RPE: variants seen among roughly 807,000 people sequenced by gnomAD.
RPE encodes ribulose-5-phosphate-3-epimerase, also known as ribulose-phosphate 3-epimerase.
Under a neutral mutation model 24.6 loss-of-function variants are expected in RPE, and 16 were observed. That is an observed-to-expected ratio of 0.65 (90% confidence interval 0.44 to 0.99). RPE has a LOEUF of 0.99. Ranked by LOEUF, RPE falls within the 50% of genes least tolerant of loss-of-function variation. RPE has a pLI of 0.00. For missense variants in RPE, 240 were observed against 294.5 expected, an observed-to-expected ratio of 0.81 and a Z score of 1.35; for synonymous variants, 93 against 98.4, an observed-to-expected ratio of 0.94 and a Z score of 0.33.
At chr2:210,017,886 A>G in intron 5 of RPE, 1 of 550,972 alleles carries the variant, frequency 1.8e-6, no homozygotes, top group Non-Finnish European at 3.2e-6. Context: ...CTGGGATTAC[A>G]GGTACCTGCC....
intron 5 of RPE, 105 bp downstream of exon 5, chr2:210,017,664 T>G: frequency 9.4e-7 from 1 of 1,067,306 alleles, no homozygotes; most frequent in Non-Finnish European, 1.4e-6. Context: ...TAAGTTGACT[T>G]TCTTTCTTGG....
intron 1 of RPE, among the ~76,000 whole-genome samples, chr2:210,004,267 G>T (rs538944973): frequency 6.6e-6 from 1 of 152,246 alleles, no homozygotes; most frequent in Admixed American, 6.5e-5. Context: ...TAATTGTTTC[G>T]GTTCACCAGT....
chr2:210,016,198 A>ATAC, intron 3 of RPE, 86 bp downstream of exon 3: 3 of 1,613,812 alleles, frequency 1.9e-6, no homozygotes, highest in Non-Finnish European at 2.5e-6. Context: ...TCTTTTTTTG[A>ATAC]TACAGTCTTG....
chr2:210,016,346 A>C lies in RPE; in HGVS notation c.343-161A>C, dbSNP rs146256341. On this transcript the variant is annotated intron_variant, in intron 3 of 5. Coordinates refer to ENST00000359429, the MANE Select transcript of RPE (RefSeq NM_199229.3). ...CACATAGCATTTATGTATTCCACTA[A>C]AGTTTTCTGAAAGCTACTGCTTGTT... 6.3e-3 allele frequency: 9,837 copies of C among 1,567,310 alleles called. 46 individuals are homozygous for C. The highest frequency in any genetic ancestry group is 0.01 in the South Asian group (838 of 82,770).
intron 5 of RPE, among the ~76,000 whole-genome samples, chr2:210,019,045 G>C (rs1024135492): frequency 2.0e-5 from 3 of 152,140 alleles, no homozygotes; most frequent in Non-Finnish European, 4.4e-5. Context: ...AGGAAGATCA[G>C]AGTTAAATTT....
Position 210,016,519 on chromosome 2 carries a change from A to C in RPE, c.355A>C (p.Ile119Leu), listed in dbSNP as rs1435979190. The change falls in exon 4 of 6, where the codon ATC becomes CTC. Residue 119 changes from isoleucine (I) to leucine (L), a missense_variant. Transcript: ENST00000359429. ...GTGTCTGTTACAGGTTGGCCTTGCC[A>C]TCAAACCAGGAACCTCAGTTGAGTA... ...RENGMKVGLA[I>L]KPGTSVEYLA... is the part of the protein sequence containing the mutation. 1 of 1,614,268 alleles carries C rather than the reference A, an allele frequency of 6.2e-7. No individual in the cohort carries two copies. Among genetic ancestry groups the C allele is most frequent in the Non-Finnish European group, 8.5e-7 (1 of 1,180,048 alleles).
At chr2:210,008,458 G>C (rs1369581089) in intron 1 of RPE, among the ~76,000 whole-genome samples, 2 of 151,760 alleles carry the variant, frequency 1.3e-5, no homozygotes, top group Non-Finnish European at 2.9e-5. Flanking sequence ...ACCACACCCA[G>C]CTAATTTTTA....
intron 2 of RPE, 149 bp from the exon 3 acceptor site, chr2:210,015,824 C>T: frequency 2.8e-6 from 2 of 716,226 alleles, no homozygotes; most frequent in Non-Finnish European, 4.5e-6. Context: ...GAGGAAACTA[C>T]CTATACTGAA....
rs756301774 is a variant in RPE, at chr2:210,016,199, T to TA, written c.342+88dup. 6 of 1,613,804 alleles carry TA rather than the reference T, an allele frequency of 3.7e-6. No individual in the cohort carries two copies. The South Asian group carries it at 6.6e-5, about 18-fold the overall frequency. Reference sequence around the variant, plus strand: ...AACAGGAAATTTTCTCTTTTTTTGATACAGTCTTGCTCTGTCACCCAGGCT... The same window carrying TA: ...AACAGGAAATTTTCTCTTTTTTTGATAACAGTCTTGCTCTGTCACCCAGGCT... On this transcript the variant is annotated intron_variant, in intron 3 of 5. Transcript: ENST00000359429.
rs1003290361 is a variant in RPE at position 210,018,378 on chromosome 2, A to T, written c.564+819A>T. The T allele has an allele frequency of 2.1e-5, 21 of 984,684 alleles. No individual in the cohort carries two copies. In the African/African-American group the frequency reaches 3.7e-4, roughly 17 times the overall value. The allele number at this position is 984,684 out of a possible 1,614,324, so 61.0% of individuals were successfully genotyped here. ...ATACCTCTTTGGCTATCTGTATAGAAGTAAAAACTTTTTTTTACTTTTTTT... is the reference window on the plus strand; with the variant it reads ...ATACCTCTTTGGCTATCTGTATAGATGTAAAAACTTTTTTTTACTTTTTTT... On this transcript the variant is annotated intron_variant, in intron 5 of 5. Coordinates refer to ENST00000359429, the MANE Select transcript of RPE (RefSeq NM_199229.3).
chr2:210,002,660 G>C lies in RPE; in HGVS notation c.-2G>C, dbSNP rs558192342. The C allele has an allele frequency of 6.2e-7, 1 of 1,612,582 alleles. No homozygotes were observed. The highest frequency in any genetic ancestry group is 1.3e-5 in the African/African-American group (1 of 75,036). On this transcript the variant is annotated 5_prime_UTR_variant, in exon 1 of 6. Coordinates refer to ENST00000359429, the MANE Select transcript of RPE (RefSeq NM_199229.3). ...GGTAACTTGCTTTTGGGAGCCAGCG[G>C]TATGGCGTCGGGCTGCAAGATTGGC...
At position 210,004,413 on chromosome 2, in the gene RPE, G is replaced by A. The variant is rs181356581; in HGVS notation, c.122+1630G>A. On this transcript the variant is annotated intron_variant, in intron 1 of 5. Transcript: ENST00000359429. ...ATTACCACCAGCATTTGACAGCGAG[G>A]AATTGGGCACAGAGAGGTTAAGTCA... 3.3e-3 allele frequency among the ~76,000 whole-genome samples: 497 copies of A among 152,260 alleles called. 2 individuals carry two copies. The highest frequency in any genetic ancestry group is 6.8e-3 in the Middle Eastern group (2 of 294).
intron 2 of RPE, among the ~76,000 whole-genome samples, chr2:210,014,275 G>A (rs2093740370): frequency 1.3e-5 from 2 of 151,912 alleles, no homozygotes; most frequent in African/African-American, 4.8e-5. Flanking sequence ...ATTTTTAGTA[G>A]AGATGGGGTT....
chr2:210,015,252 C>G (rs969178326), intron 2 of RPE, among the ~76,000 whole-genome samples: 1 of 152,152 alleles, frequency 6.6e-6, no homozygotes, highest in Admixed American at 6.5e-5. Context: ...ATATCCATCC[C>G]GAATTGCTGC....
rs1016263081 is a variant in RPE, at chr2:210,020,251, G to T, written c.*460G>T. The T allele has an allele frequency of 1.2e-5, 2 of 167,358 alleles. No individual in the cohort carries two copies. Among genetic ancestry groups the T allele is most frequent in the East Asian group, 1.9e-4 (1 of 5,192 alleles). The allele number at this position is 167,358 out of a possible 1,614,324, so 10.4% of individuals were successfully genotyped here. On this transcript the variant is annotated 3_prime_UTR_variant, in exon 6 of 6. Coordinates refer to ENST00000359429, the MANE Select transcript of RPE (RefSeq NM_199229.3). ...TGATTTGTTTATAAGTTTGGGTGGG[G>T]TGCATACCATATTCTTGGTTCTTAA...
intron 2 of RPE, among the ~76,000 whole-genome samples, chr2:210,010,546 G>T (rs1252187753): frequency 2.0e-5 from 3 of 152,006 alleles, no homozygotes; most frequent in African/African-American, 7.3e-5. Flanking sequence ...TTACAGGCTT[G>T]AGCCACCAGC....
intron 1 of RPE, 77 bp downstream of exon 1, chr2:210,002,860 T>C: frequency 6.2e-7 from 1 of 1,611,384 alleles, no homozygotes. Flanking sequence ...GCTTGTTGGA[T>C]GTACCGCGTC....
intron 2 of RPE, among the ~76,000 whole-genome samples, chr2:210,013,807 T>C (rs1463147906): frequency 6.6e-6 from 1 of 151,882 alleles, no homozygotes; most frequent in Non-Finnish European, 1.5e-5. Context: ...ATATATAGTG[T>C]TTTTTTAATG....
At chr2:210,015,352 G>A (rs1227064939) in intron 2 of RPE, among the ~76,000 whole-genome samples, 1 of 152,168 alleles carries the variant, frequency 6.6e-6, no homozygotes, top group Non-Finnish European at 1.5e-5. Context: ...CCAGTGGCCT[G>A]CAGAATGCTG....
Sources: gnomAD v4.1 joint callset for allele counts (sites outside exome capture counted in the v4.1 genomes callset) on GRCh38, gnomAD v4.1.1 for gene constraint, MANE v1.5 for transcripts, NCBI Gene and HGNC (gene_info 2026-07-23, HGNC 2026-07-21) for gene names.